ATRN: variants seen among roughly 807,000 people sequenced by gnomAD.
The protein encoded by ATRN is attractin-2.
Under a neutral mutation model 178.7 loss-of-function variants are expected in ATRN, and 54 were observed. The observed-to-expected ratio is 0.30, with a 90% CI of 0.24 to 0.38. The LOEUF is 0.38. Ranked by LOEUF, ATRN falls within the 10% of genes least tolerant of loss-of-function variation. The pLI, the probability that ATRN is intolerant of heterozygous loss-of-function variation, is 1.00. For synonymous variants in ATRN, 636 were observed against 663.0 expected (o/e 0.96, Z 0.63); for missense variants, 1,443 against 1,815.1 (o/e 0.79, Z 3.73).
intron 24 of ATRN, among the ~76,000 whole-genome samples, chr20:3,619,338 C>T (rs761070374): frequency 3.9e-5 from 6 of 152,220 alleles, no homozygotes; most frequent in Non-Finnish European, 8.8e-5. Flanking sequence ...ATTAGTTCTG[C>T]ACCACGGTGT....
chr20:3,507,125 G>A (rs2085056031), intron 1 of ATRN, among the ~76,000 whole-genome samples: 1 of 151,380 alleles, frequency 6.6e-6, no homozygotes, highest in Admixed American at 6.6e-5. Flanking sequence ...TGGAGTTAAA[G>A]GCCGGGCACA....
intron 1 of ATRN, among the ~76,000 whole-genome samples, chr20:3,484,010 G>A (rs1264495545): frequency 6.6e-6 from 1 of 152,090 alleles, no homozygotes; most frequent in South Asian, 2.1e-4. Flanking sequence ...CACTTTGGGA[G>A]GCTGAGGTGA....
Position 3,650,843 on chromosome 20 carries a change from T to G in ATRN, c.*3996T>G, listed in dbSNP as rs1346627496. On this transcript the variant is annotated 3_prime_UTR_variant, in exon 29 of 29. Transcript: ENST00000262919. ...TTTGTTTGGATTCAAGCTTAGTTTGTTAATATGTATAATTTAGCATCTATT... is the reference window on the plus strand; with the variant it reads ...TTTGTTTGGATTCAAGCTTAGTTTGGTAATATGTATAATTTAGCATCTATT... The G allele has an allele frequency of 6.5e-6, 1 of 152,686 alleles. No homozygotes were observed. Among genetic ancestry groups the G allele is most frequent in the Non-Finnish European group, 1.5e-5 (1 of 68,054 alleles). 9.5% of individuals were successfully genotyped at this position (152,686 alleles called of 1,614,324 possible). A position where few individuals can be genotyped will look rare whatever the true frequency, so the allele number is the denominator to read the frequency against.
chr20:3,537,097 T>G (rs987506051), intron 2 of ATRN, among the ~76,000 whole-genome samples: 3 of 152,228 alleles, frequency 2.0e-5, no homozygotes, highest in African/African-American at 7.2e-5. Context: ...TATGTTGATA[T>G]ATTTATTCCA....
At chr20:3,643,124 C>A (rs184178545) in intron 27 of ATRN, among the ~76,000 whole-genome samples, 1 of 152,202 alleles carries the variant, frequency 6.6e-6, no homozygotes, top group Admixed American at 6.5e-5. Flanking sequence ...CTGCGTAAGC[C>A]CTGAATGCAT....
chr20:3,634,607 G>GA (rs2087012438), intron 26 of ATRN, among the ~76,000 whole-genome samples: 1 of 152,188 alleles, frequency 6.6e-6, no homozygotes, highest in African/African-American at 2.4e-5. Context: ...CTGCACCACA[G>GA]TGTCTTACCT....
At chr20:3,491,140 T>C in intron 1 of ATRN, 1 of 538,504 alleles carries the variant, frequency 1.9e-6, no homozygotes, top group East Asian at 3.2e-5. Context: ...GATTATTAGC[T>C]CTCTGGGGGA....
rs1049518234 is a variant in ATRN at position 3,649,414 on chromosome 20, A to G, written c.*2567A>G. The G allele has an allele frequency of 6.6e-6, 1 of 152,488 alleles. No homozygotes were observed. Among genetic ancestry groups the G allele is most frequent in the Non-Finnish European group, 1.5e-5 (1 of 68,034 alleles). 9.4% of individuals were successfully genotyped at this position (152,488 alleles called of 1,614,324 possible). A position where few individuals can be genotyped will look rare whatever the true frequency, so the allele number is the denominator to read the frequency against. On this transcript the variant is annotated 3_prime_UTR_variant, in exon 29 of 29. Coordinates refer to ENST00000262919, the MANE Select transcript of ATRN (RefSeq NM_139321.3). Reference sequence around the variant, plus strand: ...TAACAATGTCTGAGTTTCACCTAAGATGTTTTTGTGCCATATGCTGGATAT... The same window carrying G: ...TAACAATGTCTGAGTTTCACCTAAGGTGTTTTTGTGCCATATGCTGGATAT...
chr20:3,576,386 A>G (rs758430728), intron 13 of ATRN, among the ~76,000 whole-genome samples: 3 of 152,128 alleles, frequency 2.0e-5, no homozygotes, highest in Non-Finnish European at 4.4e-5. Flanking sequence ...TGCTCATCAT[A>G]TATAGATTTT....
intron 14 of ATRN, among the ~76,000 whole-genome samples, chr20:3,578,198 A>G (rs908189434): frequency 6.6e-6 from 1 of 152,164 alleles, no homozygotes; most frequent in Non-Finnish European, 1.5e-5. Flanking sequence ...ATTCATTTCC[A>G]TTCTTGCAGT....
At position 3,502,139 on chromosome 20, in the gene ATRN, G is replaced by A. The variant is rs541260991; in HGVS notation, c.410+30622G>A. ...TACTATGTATAATATTTTACAACAT[G>A]TAATAAATATTTACATAGTTATACA... On this transcript the variant is annotated intron_variant, in intron 1 of 28. Transcript: ENST00000262919. Among the ~76,000 whole-genome samples, 94 of 151,898 alleles carry A rather than the reference G, an allele frequency of 6.2e-4. 1 individual carries two copies. Among genetic ancestry groups the A allele is most frequent in the African/African-American group, 2.2e-3 (92 of 41,386 alleles).
chr20:3,592,542 T>C (rs1406146427), intron 19 of ATRN: 1 of 931,838 alleles, frequency 1.1e-6, no homozygotes. Context: ...TATTCTAGTT[T>C]CCAGCCAAAA....
intron 24 of ATRN, among the ~76,000 whole-genome samples, chr20:3,612,361 G>C (rs1258435774): frequency 6.6e-6 from 1 of 152,148 alleles, no homozygotes; most frequent in Non-Finnish European, 1.5e-5. Context: ...TAAGTATCCT[G>C]AAGCTTCAAA....
At chr20:3,532,545 G>A (rs376480184) in intron 1 of ATRN, among the ~76,000 whole-genome samples, 33 of 152,240 alleles carry the variant, frequency 2.2e-4, no homozygotes, top group African/African-American at 7.9e-4. Context: ...GTCTCTTCTT[G>A]GATGTTTATC....
chr20:3,646,090 A>AT (rs1332571185), intron 28 of ATRN, among the ~76,000 whole-genome samples: 1 of 152,142 alleles, frequency 6.6e-6, no homozygotes, highest in Non-Finnish European at 1.5e-5. Context: ...TCACTCATTG[A>AT]TTCTTCACAC....
intron 22 of ATRN, among the ~76,000 whole-genome samples, chr20:3,599,201 G>A (rs1452756981): frequency 1.3e-5 from 2 of 152,018 alleles, no homozygotes; most frequent in African/African-American, 2.4e-5. Context: ...TGTATTGACT[G>A]GAATTTTTTT....
At chr20:3,517,304 TA>T (rs1247276299) in intron 1 of ATRN, among the ~76,000 whole-genome samples, 3 of 151,732 alleles carry the variant, frequency 2.0e-5, no homozygotes, top group Admixed American at 6.6e-5. Context: ...ATCTCCACTT[TA>T]AAAAAAATCT....
chr20:3,562,446 G>C lies in ATRN; in HGVS notation c.1618G>C (p.Asp540His), dbSNP rs2085967907. 2.5e-6 allele frequency: 4 copies of C among 1,614,028 alleles called. No individual in the cohort carries two copies. The highest frequency in any genetic ancestry group is 3.4e-6 in the Non-Finnish European group (4 of 1,179,948). Residue 540 changes from aspartate (D) to histidine (H), a missense_variant, in exon 9 of 29, where the codon GAT (aspartate) becomes CAT (histidine). Physicochemically the swap from Asp to His is moderately conservative, Grantham distance 81. Around this residue, in one of 4 missense-constraint regions of ATRN, gnomAD observed 862 missense variants for 972.1 expected, o/e 0.89. Coordinates refer to ENST00000262919, the MANE Select transcript of ATRN (RefSeq NM_139321.3). ...LADDLYRYDV[D>H]TQMWTILKDS... Reference sequence around the variant, plus strand: ...AGATGATCTCTACCGATATGATGTGGATACCCAGATGTGGTGGGTACTTTT... The same window carrying C: ...AGATGATCTCTACCGATATGATGTGCATACCCAGATGTGGTGGGTACTTTT...
At chr20:3,629,922 C>T (rs2086977027) in intron 25 of ATRN, among the ~76,000 whole-genome samples, 1 of 146,244 alleles carries the variant, frequency 6.8e-6, no homozygotes, top group Non-Finnish European at 1.5e-5. Context: ...TGGAAGCTCC[C>T]CCAAGCCTCA....
Sources: allele counts gnomAD v4.1 joint callset (sites outside exome capture counted in the v4.1 genomes callset), GRCh38; gene constraint gnomAD v4.1.1; regional missense constraint gnomAD v4.1.1; transcripts MANE v1.5; gene names NCBI Gene and HGNC (gene_info 2026-07-23, HGNC 2026-07-21).